The following PLG variants were observed in gnomAD, a reference collection of about 807,000 sequenced individuals.
PLG encodes the protein plasmin.
Under a neutral mutation model 104.4 loss-of-function variants are expected in PLG, and 41 were observed. That is an observed-to-expected ratio of 0.39 (90% CI 0.31 to 0.51). PLG has a LOEUF of 0.51. PLG is among the 20% of genes least tolerant of loss of function. PLG has a pLI of 0.76. For synonymous variants in PLG, 337 were observed against 357.1 expected (o/e 0.94, Z 0.63); for missense variants, 891 against 1,003.6 (o/e 0.89, Z 1.52).
intron 1 of PLG, among the ~76,000 whole-genome samples, chr6:160,704,699 T>A (rs976906780): frequency 1.3e-5 from 2 of 152,198 alleles, no homozygotes; most frequent in Non-Finnish European, 2.9e-5. Context: ...CAACTCCTGC[T>A]CAATAATCCA....
Position 160,718,783 on chromosome 6 carries a change from T to C in PLG, c.1041T>C (p.Cys347=). The C allele has an allele frequency of 1.2e-6, 2 of 1,613,780 alleles. No homozygotes were observed. The highest frequency in any genetic ancestry group is 1.7e-6 in the Non-Finnish European group (2 of 1,179,700). The part of the protein sequence containing the change: ...TTNSQVRWEY[C]KIPSCDSSPV... ...ACAGCCAAGTGCGGTGGGAGTACTG[T>C]AAGATACCGTCCTGTGACTCCTCCC... Residue 347 remains cysteine (C), a synonymous_variant, in exon 9 of 19, where the codon TGT becomes TGC. Transcript: ENST00000308192.
At chr6:160,705,518 G>A (rs1746200129) in intron 1 of PLG, 1 of 152,232 alleles carries the variant, frequency 6.6e-6, no homozygotes, top group Admixed American at 6.5e-5. Flanking sequence ...GTAGTGTTGT[G>A]TGACTGTCAT....
intron 6 of PLG, among the ~76,000 whole-genome samples, chr6:160,715,343 A>G (rs2115160672): frequency 6.6e-6 from 1 of 152,256 alleles, no homozygotes; most frequent in South Asian, 2.1e-4. Context: ...CTTTGTACCA[A>G]TGAGATTCAA....
At chr6:160,742,899 T>C (rs1778217993) in intron 17 of PLG, among the ~76,000 whole-genome samples, 1 of 152,212 alleles carries the variant, frequency 6.6e-6, no homozygotes, top group South Asian at 2.1e-4. Context: ...ATTTATTGAA[T>C]AGGGAGTTAT....
intron 4 of PLG, chr6:160,712,088 C>T (rs754617020): frequency 6.2e-5 from 15 of 242,616 alleles, no homozygotes; most frequent in Non-Finnish European, 8.7e-5. Context: ...AAATATTCCC[C>T]GTGAGTTAAT....
chr6:160,733,156 G>A (rs978684075), intron 12 of PLG, among the ~76,000 whole-genome samples: 2 of 152,242 alleles, frequency 1.3e-5, no homozygotes, highest in Non-Finnish European at 2.9e-5. Context: ...CTGGGGGGCA[G>A]AGACCAAATA....
rs2115150494 is a variant in PLG at position 160,706,502 on chromosome 6, T to C, written c.145T>C (p.Cys49Arg). 1 of 1,613,928 alleles carries C rather than the reference T, an allele frequency of 6.2e-7. No individual in the cohort carries two copies. Among genetic ancestry groups the C allele is most frequent in the Non-Finnish European group, 8.5e-7 (1 of 1,179,820 alleles). ...KQLGAGSIEE[C>R]AAKCEEDEEF... ...GCTGGGAGCAGGAAGTATAGAAGAATGTGCAGCAAAATGTGAGGAGGACGA... is the reference window on the plus strand; with the variant it reads ...GCTGGGAGCAGGAAGTATAGAAGAACGTGCAGCAAAATGTGAGGAGGACGA... The change falls in exon 2 of 19, where the codon TGT (cysteine) becomes CGT (arginine). Residue 49 changes from cysteine to arginine, a missense_variant. By Grantham distance (180) the Cys-to-Arg change is radical. Transcript: ENST00000308192.
chr6:160,738,316 C>T lies in PLG; in HGVS notation c.1803-222C>T. ...TGTGGACAGGCCATGCCTGTGCCTC[C>T]CCCAAGCATCGGAAAAATTGGCATA... On this transcript the variant is annotated intron_variant, in intron 14 of 18. Transcript: ENST00000308192. The surrounding 1 kb of genome is among the most constrained non-coding windows in gnomAD (Gnocchi z 6.8). 1.8e-6 allele frequency: 1 copy of T among 560,118 alleles called. No homozygotes were observed. The highest frequency in any genetic ancestry group is 3.4e-5 in the East Asian group (1 of 29,480). 34.7% of individuals were successfully genotyped at this position (560,118 alleles called of 1,614,324 possible). A position where few individuals can be genotyped will look rare whatever the true frequency, so the allele number is the denominator to read the frequency against.
At position 160,753,525 on chromosome 6, in the gene PLG, A is replaced by T. The variant is rs1259272919; in HGVS notation, c.*464A>T. On this transcript the variant is annotated 3_prime_UTR_variant, in exon 19 of 19. Coordinates refer to ENST00000308192, the MANE Select transcript of PLG (RefSeq NM_000301.5). The surrounding 1 kb of genome is among the most constrained non-coding windows in gnomAD (Gnocchi z 5.4). The stretch of plus-strand genomic sequence containing the variant: ...GTCTTTATTCCTGACACTGAGATGA[A>T]TGTTTTCAAAGCTGCAACATGTATG... Among the ~76,000 whole-genome samples, 1 of 152,166 alleles carries T rather than the reference A, an allele frequency of 6.6e-6. No homozygotes were observed. Among genetic ancestry groups the T allele is most frequent in the Non-Finnish European group, 1.5e-5 (1 of 68,036 alleles).
intron 17 of PLG, among the ~76,000 whole-genome samples, chr6:160,751,322 C>T (rs771521542): frequency 6.6e-6 from 1 of 152,184 alleles, no homozygotes; most frequent in African/African-American, 2.4e-5. Context: ...CAGACCCAGG[C>T]TCAGGCTGAA....
rs559831079 is a variant in PLG, at chr6:160,723,077, A to T, written c.1256+510A>T. Reference sequence around the variant, plus strand: ...AATACACACATATATGAGATATACAAGTATACATATATAGTGTGTATATAT... The same window carrying T: ...AATACACACATATATGAGATATACATGTATACATATATAGTGTGTATATAT... On this transcript the variant is annotated intron_variant, in intron 10 of 18. Transcript: ENST00000308192. This position sits in a 1 kb window ranked among gnomAD's most constrained non-coding sequence, Gnocchi z 4.7. Among the ~76,000 whole-genome samples the T allele has an allele frequency of 7.1e-6, 1 of 141,518 alleles. No homozygotes were observed. Among genetic ancestry groups the T allele is most frequent in the Non-Finnish European group, 1.5e-5 (1 of 67,620 alleles). 92.8% of individuals were successfully genotyped at this position (141,518 alleles called of 152,430 possible). A position where few individuals can be genotyped will look rare whatever the true frequency, so the allele number is the denominator to read the frequency against.
intron 10 of PLG, among the ~76,000 whole-genome samples, chr6:160,728,838 G>A (rs921050373): frequency 6.6e-6 from 1 of 152,038 alleles, no homozygotes; most frequent in African/African-American, 2.4e-5. Flanking sequence ...TCACAAACTT[G>A]AGGAAGGCAA....
In PLG at chr6:160,737,577, T is replaced by A. The variant is rs1441205468; in HGVS notation, c.1802+570T>A. 2.0e-5 allele frequency among the ~76,000 whole-genome samples: 3 copies of A among 152,134 alleles called. No individual in the cohort carries two copies. The highest frequency in any genetic ancestry group is 4.4e-5 in the Non-Finnish European group (3 of 68,030). ...TCCCAGGGAACCTGGACATTTTGGG[T>A]ATTGTTTCAGTGGAACATGCCTTTC... On this transcript the variant is annotated intron_variant, in intron 14 of 18. Coordinates refer to ENST00000308192, the MANE Select transcript of PLG (RefSeq NM_000301.5). This position sits in a 1 kb window ranked among gnomAD's most constrained non-coding sequence, Gnocchi z 4.7.
At position 160,719,594 on chromosome 6, in the gene PLG, T is replaced by C. The variant is rs925649242; in HGVS notation, c.1096+756T>C. 6.6e-6 allele frequency among the ~76,000 whole-genome samples: 1 copy of C among 152,220 alleles called. No individual in the cohort carries two copies. Among genetic ancestry groups the C allele is most frequent in the African/African-American group, 2.4e-5 (1 of 41,470 alleles). ...TTTGTCCCATTTAAACTTTGTTCCT[T>C]TTTTCATCTTTTTCTGCCTTCATTT... On this transcript the variant is annotated intron_variant, in intron 9 of 18. Transcript: ENST00000308192. The surrounding 1 kb of genome is among the most constrained non-coding windows in gnomAD (Gnocchi z 4.1).
chr6:160,709,257 C>T (rs1268919429), intron 3 of PLG, among the ~76,000 whole-genome samples: 6 of 152,118 alleles, frequency 3.9e-5, no homozygotes, highest in South Asian at 4.1e-4. Context: ...TACTAACTTA[C>T]CTGCCAGGGT....
At chr6:160,707,950 T>C (rs1281664083) in intron 3 of PLG, 144 bp downstream of exon 3, 2 of 731,652 alleles carry the variant, frequency 2.7e-6, no homozygotes, top group African/African-American at 3.5e-5. Flanking sequence ...AGGACAGGAT[T>C]TGATTACTAA....
Position 160,718,851 on chromosome 6 carries a change from A to G in PLG, c.1096+13A>G, listed in dbSNP as rs1428455417. 2.5e-6 allele frequency: 4 copies of G among 1,612,804 alleles called. No individual in the cohort carries two copies. The highest frequency in any genetic ancestry group is 3.4e-6 in the Non-Finnish European group (4 of 1,178,800). ...TTGGCTCCCACAGGTAAGCAAGGGT[A>G]TGGGAGCTTACTGAGGGCCCAAGTT... On this transcript the variant is annotated intron_variant, in intron 9 of 18. Transcript: ENST00000308192.
At chr6:160,713,839 A>T (rs1463414810) in intron 5 of PLG, among the ~76,000 whole-genome samples, 1 of 152,218 alleles carries the variant, frequency 6.6e-6, no homozygotes, top group East Asian at 1.9e-4. Flanking sequence ...GGACTGAGCA[A>T]TTTAATAGTG....
intron 17 of PLG, among the ~76,000 whole-genome samples, chr6:160,747,323 T>C (rs1292237667): frequency 6.6e-6 from 1 of 152,200 alleles, no homozygotes; most frequent in Admixed American, 6.5e-5. Context: ...TTTTAGGGAT[T>C]CTTTCTTCTC....
Sources: gnomAD v4.1 joint callset for allele counts (sites outside exome capture counted in the v4.1 genomes callset) on GRCh38, gnomAD v4.1.1 for gene constraint, Gnocchi (gnomAD v3.1) non-coding constraint, MANE v1.5 for transcripts, NCBI Gene and HGNC (gene_info 2026-07-23, HGNC 2026-07-21) for gene names.